The following SH3PXD2A variants were observed in gnomAD, a reference collection of about 807,000 sequenced individuals.
SH3PXD2A encodes SH3 and PX domains 2A, also known as SH3 and PX domain-containing protein 2A.
Under a neutral mutation model 115.2 loss-of-function variants are expected in SH3PXD2A, and 32 were observed. The observed-to-expected ratio is 0.28, with a 90% CI of 0.21 to 0.37. The LOEUF (loss-of-function observed/expected upper bound fraction) is 0.37, where lower values mean the gene tolerates loss of function less well. Among genes scored for constraint, SH3PXD2A ranks in the 10% least tolerant of loss-of-function variants. The pLI, the probability that SH3PXD2A is intolerant of heterozygous loss-of-function variation, is 1.00. For missense variants in SH3PXD2A, 1,328 were observed against 1,498.7 expected (o/e 0.89, Z 1.88); for synonymous variants, 610 against 629.1 (o/e 0.97, Z 0.45).
chr10:103,681,773 C>T (rs2037613370), intron 6 of SH3PXD2A, among the ~76,000 whole-genome samples: 1 of 151,970 alleles, frequency 6.6e-6, no homozygotes, highest in African/African-American at 2.4e-5. Context: ...CGCGCGCGCG[C>T]ACACACACAA....
At chr10:103,712,130 T>A (rs543545550) in intron 5 of SH3PXD2A, among the ~76,000 whole-genome samples, 26 of 152,172 alleles carry the variant, frequency 1.7e-4, no homozygotes, top group Admixed American at 1.2e-3. Context: ...GCTCTAAAAT[T>A]GGATTGTGGT....
At chr10:103,687,895 C>T (rs1401298266) in intron 6 of SH3PXD2A, among the ~76,000 whole-genome samples, 2 of 152,214 alleles carry the variant, frequency 1.3e-5, no homozygotes, top group African/African-American at 2.4e-5. Context: ...GCAGCCAGCA[C>T]ACACCGTCAC....
Position 103,613,181 on chromosome 10 carries a change from G to A in SH3PXD2A, c.930C>T (p.Gly310=). 1 of 1,597,640 alleles carries A rather than the reference G, an allele frequency of 6.3e-7. No individual in the cohort carries two copies. The highest frequency in any genetic ancestry group is 8.5e-7 in the Non-Finnish European group (1 of 1,173,266). The change falls in exon 12 of 15, where the codon GGC becomes GGT. Residue 310 remains glycine (G), a synonymous_variant. Coordinates refer to ENST00000369774, the MANE Select transcript of SH3PXD2A (RefSeq NM_001394015.1). ...LEGWWYIRYL[G]KEGWAPASYL... is the part of the protein sequence containing the mutation. ...AGGATGCTGGCGCCCAGCCCTCTTT[G>A]CCCAGGTATCTGTGGGGAGGAGCAG...
At chr10:103,839,770 T>C (rs1051362746) in intron 1 of SH3PXD2A, among the ~76,000 whole-genome samples, 1 of 152,178 alleles carries the variant, frequency 6.6e-6, no homozygotes, top group African/African-American at 2.4e-5. Context: ...AGAAGGAAAT[T>C]GAGGCTCAGC....
intron 5 of SH3PXD2A, among the ~76,000 whole-genome samples, chr10:103,722,986 G>C (rs1589429651): frequency 6.6e-6 from 1 of 152,336 alleles, no homozygotes; most frequent in Non-Finnish European, 1.5e-5. Flanking sequence ...TAGCATGCGT[G>C]AAGACAGAAG....
intron 3 of SH3PXD2A, among the ~76,000 whole-genome samples, chr10:103,740,037 T>C (rs2038427171): frequency 6.6e-6 from 1 of 152,072 alleles, no homozygotes; most frequent in African/African-American, 2.4e-5. Context: ...AGCCCTAAGA[T>C]TGATTGACAG....
chr10:103,812,250 A>G (rs1404766543), intron 1 of SH3PXD2A, among the ~76,000 whole-genome samples: 1 of 152,210 alleles, frequency 6.6e-6, no homozygotes, highest in Admixed American at 6.5e-5. Context: ...TCCAATGGAG[A>G]GGCCCAGCAG....
chr10:103,631,579 C>T (rs564384499), intron 8 of SH3PXD2A, among the ~76,000 whole-genome samples: 2 of 152,134 alleles, frequency 1.3e-5, no homozygotes, highest in Non-Finnish European at 1.5e-5. Flanking sequence ...GATTGAAGGT[C>T]CCCCATCGTG....
chr10:103,621,438 G>A (rs1386831148), intron 10 of SH3PXD2A, among the ~76,000 whole-genome samples: 1 of 152,206 alleles, frequency 6.6e-6, no homozygotes, highest in Non-Finnish European at 1.5e-5. Context: ...CTGATGCTGA[G>A]CCAGCCATAG....
intron 6 of SH3PXD2A, among the ~76,000 whole-genome samples, chr10:103,678,572 C>A (rs755295426): frequency 6.6e-6 from 1 of 152,202 alleles, no homozygotes; most frequent in Non-Finnish European, 1.5e-5. Context: ...CCTTTCCCAG[C>A]GTGGGAAGGT....
chr10:103,792,553 T>A (rs1409937420), intron 2 of SH3PXD2A, among the ~76,000 whole-genome samples: 1 of 152,222 alleles, frequency 6.6e-6, no homozygotes, highest in East Asian at 1.9e-4. Flanking sequence ...ATTTTTCCTG[T>A]TACCCAGTGA....
intron 1 of SH3PXD2A, among the ~76,000 whole-genome samples, chr10:103,816,257 G>A (rs372929609): frequency 2.5e-4 from 38 of 152,192 alleles, no homozygotes; most frequent in African/African-American, 8.7e-4. Flanking sequence ...ACATCATGTC[G>A]TAGACTTGAA....
intron 6 of SH3PXD2A, among the ~76,000 whole-genome samples, chr10:103,684,369 T>C (rs1052032023): frequency 1.1e-4 from 16 of 151,754 alleles, no homozygotes; most frequent in Non-Finnish European, 2.1e-4. Context: ...CTAACCCTTT[T>C]TTTTTTTGAG....
At chr10:103,625,930 G>GAGGC (rs1412147042) in intron 9 of SH3PXD2A, among the ~76,000 whole-genome samples, 1 of 152,262 alleles carries the variant, frequency 6.6e-6, no homozygotes, top group Non-Finnish European at 1.5e-5. Flanking sequence ...GGTAGGAGGT[G>GAGGC]AGGCTGGGGA....
chr10:103,813,231 C>T (rs146200810), intron 1 of SH3PXD2A, among the ~76,000 whole-genome samples: 1 of 152,238 alleles, frequency 6.6e-6, no homozygotes, highest in East Asian at 1.9e-4. Flanking sequence ...GAAAAAAATA[C>T]AACAAATTGA....
chr10:103,757,461 C>A (rs891421519), intron 3 of SH3PXD2A, among the ~76,000 whole-genome samples: 4 of 152,268 alleles, frequency 2.6e-5, no homozygotes, highest in South Asian at 2.1e-4. Flanking sequence ...ACCTAGGATA[C>A]AATCCATCCA....
intron 9 of SH3PXD2A, among the ~76,000 whole-genome samples, chr10:103,625,278 G>C (rs1314588714): frequency 1.3e-5 from 2 of 152,246 alleles, no homozygotes; most frequent in Non-Finnish European, 2.9e-5. Context: ...GCTCCGCTCT[G>C]ACCTTCCTGG....
At chr10:103,754,233 G>T (rs2038613282) in intron 3 of SH3PXD2A, 1 of 152,014 alleles carries the variant, frequency 6.6e-6, no homozygotes. Context: ...TAGAGACAGG[G>T]TCGCACTCTG....
intron 3 of SH3PXD2A, chr10:103,749,934 C>T (rs1296582860): frequency 6.6e-6 from 1 of 152,384 alleles, no homozygotes; most frequent in Non-Finnish European, 1.5e-5. Flanking sequence ...GGTCCTCTAA[C>T]TGCAGTCAAG....
Sources: allele counts gnomAD v4.1 joint callset (sites outside exome capture counted in the v4.1 genomes callset), GRCh38; gene constraint gnomAD v4.1.1; transcripts MANE v1.5; gene names NCBI Gene and HGNC (gene_info 2026-07-23, HGNC 2026-07-21).